The following KANK4 variants were observed in gnomAD, a reference collection of about 807,000 sequenced individuals.
KANK4 encodes KN motif and ankyrin repeat domain-containing protein 4.
In KANK4, 50 loss-of-function variants were observed where a neutral mutation model predicts 80.8. The ratio of observed to expected loss-of-function variants is 0.62; its 90% CI spans 0.49 to 0.78. The LOEUF (loss-of-function observed/expected upper bound fraction) is 0.78. KANK4 is among the 30% of genes least tolerant of loss of function. KANK4 has a pLI of 0.00. For synonymous variants in KANK4, 465 were observed against 506.9 expected (o/e 0.92, Z 1.11); for missense variants, 1,196 against 1,240.1 (o/e 0.96, Z 0.53).
At chr1:62,314,902 C>T (rs182325223) in intron 1 of KANK4, among the ~76,000 whole-genome samples, 3 of 152,290 alleles carry the variant, frequency 2.0e-5, no homozygotes, top group East Asian at 1.9e-4. Flanking sequence ...GGAGAAGGAA[C>T]GCTCGGCCAG....
chr1:62,308,455 CT>C (rs1644471567), intron 1 of KANK4, among the ~76,000 whole-genome samples: 1 of 152,128 alleles, frequency 6.6e-6, no homozygotes, highest in African/African-American at 2.4e-5. Flanking sequence ...GCTGCACCCC[CT>C]ACCCCTCCTC....
chr1:62,272,319 C>G (rs1367446840), intron 3 of KANK4: 1 of 152,390 alleles, frequency 6.6e-6, no homozygotes, highest in African/African-American at 2.4e-5. Flanking sequence ...CCCCTGTACA[C>G]ACACACATGC....
At chr1:62,283,541 T>C (rs903360433) in intron 1 of KANK4, among the ~76,000 whole-genome samples, 1 of 152,192 alleles carries the variant, frequency 6.6e-6, no homozygotes, top group South Asian at 2.1e-4. Flanking sequence ...CCTGACACTA[T>C]GACTGATCTT....
At chr1:62,244,637 G>T (rs971257279) in intron 9 of KANK4, among the ~76,000 whole-genome samples, 1 of 152,142 alleles carries the variant, frequency 6.6e-6, no homozygotes, top group Non-Finnish European at 1.5e-5. Flanking sequence ...CCATGATTGA[G>T]ACTTTCCCAG....
rs1191911093 is a variant in KANK4, at chr1:62,238,243, CT to C, written c.*33del. 3.3e-6 allele frequency: 5 copies of C among 1,521,018 alleles called. No homozygotes were observed. Among genetic ancestry groups the C allele is most frequent in the Non-Finnish European group, 4.6e-6 (5 of 1,096,796 alleles). The allele number at this position is 1,521,018 out of a possible 1,614,324, so 94.2% of individuals were successfully genotyped here. ...CGAGGGAGGAGTCCAGAGAAGAAGGCTTTTGTTCCCCACGGCCAGTTCTTCT... is the reference window on the plus strand; with the variant it reads ...CGAGGGAGGAGTCCAGAGAAGAAGGCTTTGTTCCCCACGGCCAGTTCTTCT... On this transcript the variant is annotated 3_prime_UTR_variant, in exon 10 of 10. Transcript: ENST00000371153.
intron 7 of KANK4, among the ~76,000 whole-genome samples, chr1:62,254,306 G>C (rs1431367348): frequency 1.3e-5 from 2 of 151,694 alleles, no homozygotes; most frequent in Non-Finnish European, 2.9e-5. Flanking sequence ...GAGTGCAGTG[G>C]TGCAATCTCA....
intron 1 of KANK4, among the ~76,000 whole-genome samples, chr1:62,289,995 C>T (rs77573467): frequency 0.026 from 3,908 of 152,170 alleles, 157 homozygotes; most frequent in African/African-American, 0.089. Context: ...CTATAAGTCA[C>T]GGAGCTGTCA....
intron 8 of KANK4, among the ~76,000 whole-genome samples, chr1:62,250,839 C>G (rs566910939): frequency 1.3e-4 from 20 of 152,208 alleles, no homozygotes; most frequent in Non-Finnish European, 2.4e-4. Flanking sequence ...TAAACATCGG[C>G]TTCTGGCCGT....
intron 1 of KANK4, among the ~76,000 whole-genome samples, chr1:62,291,192 ACTAT>A: frequency 6.6e-6 from 1 of 152,142 alleles, no homozygotes; most frequent in Non-Finnish European, 1.5e-5. Flanking sequence ...AATTGTGTTG[ACTAT>A]CTTTTTCATG....
chr1:62,266,897 C>G, intron 5 of KANK4, 78 bp from the exon 6 acceptor site: 1 of 922,782 alleles, frequency 1.1e-6, no homozygotes, highest in Non-Finnish European at 1.7e-6. Context: ...CTCTCCTCCT[C>G]TTTCACATCT....
chr1:62,279,168 T>G (rs1571013595), intron 2 of KANK4, among the ~76,000 whole-genome samples: 1 of 150,810 alleles, frequency 6.6e-6, no homozygotes, highest in Admixed American at 6.6e-5. Flanking sequence ...TAATAGCAGG[T>G]TTAATAGGTG....
In KANK4 at chr1:62,276,197, C is replaced by T. The variant is rs561165623; in HGVS notation, c.17-1110G>A. Among the ~76,000 whole-genome samples, 126 of 152,308 alleles carry T rather than the reference C, an allele frequency of 8.3e-4. No individual in the cohort carries two copies. In the Middle Eastern group the frequency reaches 0.01, roughly 12 times the overall value. ...GGAAACAAGCCAGTCCTTCGACTATCTGCATCCATAGGGGCCTGTTGCCAA... is the reference window on the plus strand; with the variant it reads ...GGAAACAAGCCAGTCCTTCGACTATTTGCATCCATAGGGGCCTGTTGCCAA... On this transcript the variant is annotated intron_variant, in intron 2 of 9. Transcript: ENST00000371153.
chr1:62,280,609 A>G (rs1483352585), intron 2 of KANK4, among the ~76,000 whole-genome samples: 1 of 152,204 alleles, frequency 6.6e-6, no homozygotes, highest in African/African-American at 2.4e-5. Flanking sequence ...GTGATCTAGA[A>G]AAAAACATTT....
At position 62,236,676 on chromosome 1, in the gene KANK4, C is replaced by A. The variant is rs1343742498; in HGVS notation, c.*1601G>T. The stretch of plus-strand genomic sequence containing the variant: ...ATGGCACGATCTCGGCTCACTGAAA[C>A]CTCCGCCTCCCGGGTTCAAGTGAGT... On this transcript the variant is annotated 3_prime_UTR_variant, in exon 10 of 10. Transcript: ENST00000371153. Among the ~76,000 whole-genome samples the A allele has an allele frequency of 6.9e-6, 1 of 145,574 alleles. No homozygotes were observed. Among genetic ancestry groups the A allele is most frequent in the Admixed American group, 7.2e-5 (1 of 13,828 alleles).
At chr1:62,312,574 C>T (rs1374644723) in intron 1 of KANK4, among the ~76,000 whole-genome samples, 1 of 152,202 alleles carries the variant, frequency 6.6e-6, no homozygotes, top group African/African-American at 2.4e-5. Flanking sequence ...CCACCCACAC[C>T]CTTTCTGCCT....
chr1:62,311,117 A>C (rs1179339674), intron 1 of KANK4, among the ~76,000 whole-genome samples: 1 of 152,118 alleles, frequency 6.6e-6, no homozygotes, highest in African/African-American at 2.4e-5. Context: ...CTTTCCTACC[A>C]AAAGAATATG....
chr1:62,300,525 G>A (rs1176016913), intron 1 of KANK4, among the ~76,000 whole-genome samples: 1 of 152,094 alleles, frequency 6.6e-6, no homozygotes, highest in Non-Finnish European at 1.5e-5. Flanking sequence ...GGCGTTGAAG[G>A]ATGAGTAAAA....
At chr1:62,278,781 G>A (rs184811120) in intron 2 of KANK4, among the ~76,000 whole-genome samples, 3 of 152,130 alleles carry the variant, frequency 2.0e-5, no homozygotes, top group African/African-American at 7.2e-5. Flanking sequence ...TAGTAAATGA[G>A]AGCAATATCT....
At chr1:62,278,322 TTCC>T (rs1557493238) in intron 2 of KANK4, among the ~76,000 whole-genome samples, 445 of 27,862 alleles carry the variant, frequency 0.016, 16 homozygotes, top group African/African-American at 0.027. Context: ...ATTTTCTTTC[TTCC>T]TTCCTTCCTT....
Sources: allele counts gnomAD v4.1 joint callset (sites outside exome capture counted in the v4.1 genomes callset), GRCh38; gene constraint gnomAD v4.1.1; transcripts MANE v1.5; gene names NCBI Gene and HGNC (gene_info 2026-07-23, HGNC 2026-07-21).